Variants in ATP8A2 observed in about 807,000 individuals in gnomAD.
ATP8A2 encodes ATPase phospholipid transporting 8A2, also known as phospholipid-transporting ATPase IB.
A neutral mutation model predicts 165.6 loss-of-function variants in ATP8A2; 100 were observed. The observed-to-expected ratio is 0.60, with a 90% CI of 0.51 to 0.71. The LOEUF is 0.71. ATP8A2 is among the 30% of genes least tolerant of loss of function. The pLI is 0.00. For synonymous variants in ATP8A2, 543 were observed against 548.8 expected (o/e 0.99, Z 0.15); for missense variants, 1,227 against 1,479.5 (o/e 0.83, Z 2.80).
chr13:25,952,483 C>A (rs561588272), intron 33 of ATP8A2, among the ~76,000 whole-genome samples: 1 of 151,898 alleles, frequency 6.6e-6, no homozygotes, highest in Non-Finnish European at 1.5e-5. Context: ...TGAGCCCAAG[C>A]GATCCCCCCA....
intron 24 of ATP8A2, among the ~76,000 whole-genome samples, chr13:25,644,730 A>G (rs2041626139): frequency 6.6e-6 from 1 of 152,054 alleles, no homozygotes; most frequent in Non-Finnish European, 1.5e-5. Context: ...CAATCTCCTC[A>G]CTTGTTAGTG....
intron 24 of ATP8A2, among the ~76,000 whole-genome samples, chr13:25,684,246 G>C (rs1330309662): frequency 6.6e-6 from 1 of 152,156 alleles, no homozygotes; most frequent in Admixed American, 6.5e-5. Context: ...GAATGATTCT[G>C]GTTTAACCTT....
At position 25,559,854 on chromosome 13, in the gene ATP8A2, G is replaced by A. The variant is rs1298093451; in HGVS notation, c.1397+89G>A. The A allele has an allele frequency of 6.8e-6, 7 of 1,026,264 alleles. No homozygotes were observed. In the Admixed American group the frequency reaches 1.3e-4, roughly 19 times the overall value. The allele number at this position is 1,026,264 out of a possible 1,614,324, so 63.6% of individuals were successfully genotyped here. A position where few individuals can be genotyped will look rare whatever the true frequency, so the allele number is the denominator to read the frequency against. ...TTATTCATTTACATTTTTAGAGACAGCCTCACTCTATTGCACAGGATGGAG... is the reference window on the plus strand; with the variant it reads ...TTATTCATTTACATTTTTAGAGACAACCTCACTCTATTGCACAGGATGGAG... On this transcript the variant is annotated intron_variant, in intron 15 of 36. Transcript: ENST00000381655.
intron 25 of ATP8A2, among the ~76,000 whole-genome samples, chr13:25,706,351 T>C (rs1473458188): frequency 6.6e-6 from 1 of 152,200 alleles, no homozygotes; most frequent in Non-Finnish European, 1.5e-5. Flanking sequence ...CCTAAGCTTA[T>C]CACTCACTTA....
intron 1 of ATP8A2, among the ~76,000 whole-genome samples, chr13:25,464,085 A>G (rs1056196030): frequency 6.6e-6 from 1 of 152,142 alleles, no homozygotes; most frequent in African/African-American, 2.4e-5. Context: ...TTGGGGCTTC[A>G]TCAAAACCTA....
intron 2 of ATP8A2, among the ~76,000 whole-genome samples, chr13:25,493,061 A>G (rs758686504): frequency 6.6e-6 from 1 of 152,176 alleles, no homozygotes; most frequent in African/African-American, 2.4e-5. Flanking sequence ...AGCCTGTCCA[A>G]TTAGTCAGTT....
chr13:25,545,348 C>A (rs908098706), intron 10 of ATP8A2, among the ~76,000 whole-genome samples: 1 of 152,024 alleles, frequency 6.6e-6, no homozygotes, highest in African/African-American at 2.4e-5. Context: ...GACTGGAATG[C>A]TTTAAGTTTA....
chr13:25,950,439 G>A (rs1955325591), intron 33 of ATP8A2, among the ~76,000 whole-genome samples: 1 of 152,168 alleles, frequency 6.6e-6, no homozygotes, highest in South Asian at 2.1e-4. Flanking sequence ...ATTTGAGGGA[G>A]TCAAGGGCCT....
At chr13:25,691,113 T>A (rs747258112) in intron 24 of ATP8A2, among the ~76,000 whole-genome samples, 2 of 152,222 alleles carry the variant, frequency 1.3e-5, no homozygotes, top group Admixed American at 1.3e-4. Flanking sequence ...CAAACTATGA[T>A]TCTGTTTATA....
intron 15 of ATP8A2, among the ~76,000 whole-genome samples, chr13:25,560,503 C>A (rs1051058602): frequency 4.0e-5 from 6 of 151,890 alleles, no homozygotes; most frequent in African/African-American, 1.4e-4. Context: ...AGTTCGAGAC[C>A]AGCCTGGCCA....
chr13:25,994,802 A>G (rs9507617), intron 35 of ATP8A2, among the ~76,000 whole-genome samples: 34,148 of 151,926 alleles, frequency 0.22, 4,379 homozygotes, highest in Non-Finnish European at 0.3. Context: ...TTTTGCATCT[A>G]TGTTTGTAAG....
chr13:25,786,476 T>G (rs1271211450), intron 27 of ATP8A2, among the ~76,000 whole-genome samples: 2 of 152,196 alleles, frequency 1.3e-5, no homozygotes, highest in African/African-American at 4.8e-5. Flanking sequence ...TATTGTCCTC[T>G]TTTACCCAGG....
chr13:25,636,629 A>T (rs993323093), intron 24 of ATP8A2, among the ~76,000 whole-genome samples: 1 of 152,156 alleles, frequency 6.6e-6, no homozygotes, highest in Non-Finnish European at 1.5e-5. Context: ...CCTGACATCC[A>T]ACTAGGAGAT....
chr13:25,526,499 A>G (rs2037845841), intron 2 of ATP8A2, among the ~76,000 whole-genome samples: 1 of 152,160 alleles, frequency 6.6e-6, no homozygotes, highest in African/African-American at 2.4e-5. Context: ...TTCTTTTCCC[A>G]TTAGGTCACT....
At chr13:25,920,683 T>C (rs1239507503) in intron 33 of ATP8A2, among the ~76,000 whole-genome samples, 1 of 152,252 alleles carries the variant, frequency 6.6e-6, no homozygotes, top group East Asian at 1.9e-4. Context: ...CTTCTGGTGC[T>C]CTGAGGCTCC....
chr13:25,579,863 G>C lies in ATP8A2; in HGVS notation c.1923G>C (p.Glu641Asp), dbSNP rs776471909. Reference sequence around the variant, plus strand: ...ATCTCTCTGAGAATGAGTATGAGGAGTGGCTGAAAGTCTATCAGGAAGCCA... The same window carrying C: ...ATCTCTCTGAGAATGAGTATGAGGACTGGCTGAAAGTCTATCAGGAAGCCA... The part of the protein sequence containing the change: ...YADLSENEYE[E>D]WLKVYQEAST... Residue 641 changes from glutamate (E) to aspartate (D), a missense_variant, in exon 22 of 37, where the codon GAG (glutamate) becomes GAC (aspartate). Glu to Asp is a conservative substitution (Grantham distance 45). Around this residue, in one of 5 missense-constraint regions of ATP8A2, gnomAD observed 592 missense variants for 785.6 expected, o/e 0.75. Transcript: ENST00000381655. The C allele has an allele frequency of 3.1e-6, 5 of 1,613,874 alleles. No individual in the cohort carries two copies. In the South Asian group the frequency reaches 5.5e-5, roughly 18 times the overall value.
At chr13:25,923,154 G>T (rs907220622) in intron 33 of ATP8A2, among the ~76,000 whole-genome samples, 1 of 152,128 alleles carries the variant, frequency 6.6e-6, no homozygotes, top group Non-Finnish European at 1.5e-5. Flanking sequence ...ACCAGAAAAG[G>T]ATTGCAATTA....
chr13:25,939,207 C>G (rs1474502480), intron 33 of ATP8A2, among the ~76,000 whole-genome samples: 1 of 152,130 alleles, frequency 6.6e-6, no homozygotes, highest in Non-Finnish European at 1.5e-5. Context: ...TCCTTTTACC[C>G]CCATTTTTTG....
intron 24 of ATP8A2, among the ~76,000 whole-genome samples, chr13:25,658,468 G>A (rs146423788): frequency 0.034 from 5,229 of 152,110 alleles, 151 homozygotes; most frequent in East Asian, 0.13. Flanking sequence ...TGAAACCCCC[G>A]TCTCTACTAA....
Sources: allele counts gnomAD v4.1 joint callset (sites outside exome capture counted in the v4.1 genomes callset), GRCh38; gene constraint gnomAD v4.1.1; regional missense constraint gnomAD v4.1.1; transcripts MANE v1.5; gene names NCBI Gene and HGNC (gene_info 2026-07-23, HGNC 2026-07-21).